The following NCF1 variants were observed in gnomAD, a reference collection of about 807,000 sequenced individuals.
The protein encoded by NCF1 is neutrophil cytosolic factor 1.
NCF1 carries 8 observed loss-of-function variants against 34.9 expected under a neutral mutation model. That is an observed-to-expected ratio of 0.23 (90% CI 0.13 to 0.41). NCF1 has a LOEUF of 0.41. Among genes scored for constraint, NCF1 ranks in the 10% least tolerant of loss-of-function variants. The pLI, the probability that NCF1 is intolerant of heterozygous loss-of-function variation, is 1.00. For synonymous variants in NCF1, 57 were observed against 146.3 expected, an observed-to-expected ratio of 0.39 and a Z score of 4.41; for missense variants, 122 against 362.4, an observed-to-expected ratio of 0.34 and a Z score of 5.39.
At chr7:74,777,158 C>T (rs1486646324) in intron 1 of NCF1, 109 bp from the exon 2 acceptor site, 2 of 908,108 alleles carry the variant, frequency 2.2e-6, no homozygotes, top group South Asian at 1.4e-5. Context: ...AAAGATGGTC[C>T]TCACCCCAAT....
chr7:74,786,476 T>A (rs1382037127), intron 8 of NCF1, among the ~76,000 whole-genome samples: 1 of 152,076 alleles, frequency 6.6e-6, no homozygotes, highest in Non-Finnish European at 1.5e-5. Flanking sequence ...AGCACAATCA[T>A]CGCTCACTCA....
chr7:74,783,044 T>C lies in NCF1; in HGVS notation c.557T>C (p.Val186Ala). ...ALSTGDVVEV[V>A]EKSESGWWFC... ...TCCACGGGGGACGTGGTGGAGGTCG[T>C]AGAGAAGAGCGAGAGCGGTCAGACC... The change falls in exon 6 of 11, where the codon GTA becomes GCA. Residue 186 changes from valine (V) to alanine (A), a missense_variant. Val to Ala is a moderately conservative substitution (Grantham distance 64). This residue lies in a region of NCF1 where 57 missense variants were observed against 89.3 expected (regional missense o/e 0.64). Coordinates refer to ENST00000289473, the MANE Select transcript of NCF1 (RefSeq NM_000265.7). 1 of 1,611,408 alleles carries C rather than the reference T, an allele frequency of 6.2e-7. No individual in the cohort carries two copies. The highest frequency in any genetic ancestry group is 2.2e-5 in the East Asian group (1 of 44,848).
chr7:74,781,517 T>C (rs1402157027), intron 5 of NCF1: 2 of 141,312 alleles, frequency 1.4e-5, no homozygotes, highest in Non-Finnish European at 3.0e-5. Context: ...GTGCTTACTC[T>C]GTGCCAGCCA....
At chr7:74,787,163 A>T (rs1192564046) in intron 8 of NCF1, among the ~76,000 whole-genome samples, 3 of 151,756 alleles carry the variant, frequency 2.0e-5, no homozygotes, top group Non-Finnish European at 2.9e-5. Context: ...TTGGGGCTGG[A>T]CAGGGAGCTC....
intron 6 of NCF1, 123 bp downstream of exon 6, chr7:74,783,184 A>G: frequency 6.5e-7 from 1 of 1,527,812 alleles, no homozygotes; most frequent in East Asian, 2.5e-5. Context: ...AGGGGCCCTA[A>G]ATGTCCTCCC....
intron 10 of NCF1, 146 bp downstream of exon 10, chr7:74,788,850 G>A: frequency 7.8e-7 from 1 of 1,285,834 alleles, no homozygotes; most frequent in Non-Finnish European, 1.1e-6. Context: ...CGGGGTCAGA[G>A]GAGGAGCCAG....
chr7:74,782,798 T>C, intron 5 of NCF1, 141 bp from the exon 6 acceptor site: 2 of 937,656 alleles, frequency 2.1e-6, no homozygotes, highest in African/African-American at 3.3e-5. Flanking sequence ...AAGGACATGT[T>C]TGAAGTGTGA....
intron 2 of NCF1, 181 bp downstream of exon 2, chr7:74,777,528 G>A: frequency 1.4e-6 from 1 of 734,244 alleles, no homozygotes; most frequent in East Asian, 3.7e-5. Flanking sequence ...TCACCACTCT[G>A]AACACCTCAT....
chr7:74,775,616 G>A (rs1278829971), intron 1 of NCF1, among the ~76,000 whole-genome samples: 1 of 43,588 alleles, frequency 2.3e-5, no homozygotes, highest in Non-Finnish European at 4.6e-5. Context: ...ACTTTACTGA[G>A]GTTTCCCCGA....
intron 5 of NCF1, among the ~76,000 whole-genome samples, chr7:74,782,465 A>G (rs1348868763): frequency 1.3e-5 from 1 of 75,684 alleles, no homozygotes; most frequent in African/African-American, 5.9e-5. Context: ...GGAAAAGGCC[A>G]GGTGCAGTGG....
chr7:74,777,498 T>C (rs1454217450), intron 2 of NCF1, 151 bp downstream of exon 2: 23 of 842,264 alleles, frequency 2.7e-5, no homozygotes, highest in Non-Finnish European at 4.1e-5. Context: ...TATAAATTTT[T>C]GTGACAGGGT....
At chr7:74,777,551 C>CA (rs1368379083) in intron 2 of NCF1, 4 of 594,886 alleles carry the variant, frequency 6.7e-6, no homozygotes, top group Non-Finnish European at 1.2e-5. Flanking sequence ...TCTCTGATTA[C>CA]AGGCATGAGC....
intron 5 of NCF1, 125 bp from the exon 6 acceptor site, chr7:74,782,814 A>C: frequency 1.0e-6 from 1 of 1,003,794 alleles, no homozygotes; most frequent in Admixed American, 1.9e-5. Flanking sequence ...TGTGAGGCCG[A>C]AGCCTGGAGA....
In NCF1 at chr7:74,788,552, G is replaced by T. The variant is rs1238755638; in HGVS notation, c.906-7G>T. 1 of 1,542,372 alleles carries T rather than the reference G, an allele frequency of 6.5e-7. No individual in the cohort carries two copies. Among genetic ancestry groups the T allele is most frequent in the Admixed American group, 2.0e-5 (1 of 50,822 alleles). ...GGCTTTGACGACGCCCCGTCCCGCT[G>T]GGCCAGGTCGTCCATCCGCAACGCG... On this transcript the variant is annotated splice_polypyrimidine_tract_variant and splice_region_variant and intron_variant, in intron 9 of 10. Transcript: ENST00000289473.
At chr7:74,786,284 C>T (rs1213991122) in intron 8 of NCF1, among the ~76,000 whole-genome samples, 1 of 124,704 alleles carries the variant, frequency 8.0e-6, no homozygotes, top group African/African-American at 2.9e-5. Context: ...ATCTGTTTAT[C>T]CTCCAAATGA....
At chr7:74,783,277 G>A in intron 6 of NCF1, 1 of 808,596 alleles carries the variant, frequency 1.2e-6, no homozygotes, top group Non-Finnish European at 2.1e-6. Flanking sequence ...GGCGGGGCAT[G>A]TCTGCGTGTT....
At chr7:74,785,714 C>G (rs1796659056) in intron 8 of NCF1, among the ~76,000 whole-genome samples, 1 of 151,764 alleles carries the variant, frequency 6.6e-6, no homozygotes, top group African/African-American at 2.4e-5. Flanking sequence ...AAAACCCTAT[C>G]TCTACTAAAA....
chr7:74,777,418 C>T (rs1215828035), intron 2 of NCF1, 71 bp downstream of exon 2: 15 of 1,240,396 alleles, frequency 1.2e-5, no homozygotes, highest in Admixed American at 2.1e-5. Flanking sequence ...GACCTTAGCC[C>T]AGGTGATGGG....
intron 8 of NCF1, among the ~76,000 whole-genome samples, chr7:74,786,589 T>C (rs1196483752): frequency 2.0e-5 from 3 of 152,050 alleles, no homozygotes; most frequent in Admixed American, 1.3e-4. Flanking sequence ...GGGGTCTCAC[T>C]ATGGTGCCAA....
Sources: allele counts gnomAD v4.1 joint callset (sites outside exome capture counted in the v4.1 genomes callset), GRCh38; gene constraint gnomAD v4.1.1; regional missense constraint gnomAD v4.1.1; transcripts MANE v1.5; gene names NCBI Gene and HGNC (gene_info 2026-07-23, HGNC 2026-07-21).